DLL4: variants seen among roughly 807,000 people sequenced by gnomAD.
DLL4 encodes the protein delta like canonical Notch ligand 4.
Under a neutral mutation model 73.6 loss-of-function variants are expected in DLL4, and 7 were observed. That is an observed-to-expected ratio of 0.10 (90% CI 0.05 to 0.18). The LOEUF is 0.18. Ranked by LOEUF, DLL4 falls within the 10% of genes least tolerant of loss-of-function variation. DLL4 has a pLI of 1.00. For synonymous variants in DLL4, 345 were observed against 374.3 expected, an observed-to-expected ratio of 0.92 and a Z score of 0.90; for missense variants, 614 against 929.9, an observed-to-expected ratio of 0.66 and a Z score of 4.42.
chr15:40,930,044 C>T lies in DLL4; in HGVS notation c.264C>T (p.Ser88=). 1 of 1,612,838 alleles carries T rather than the reference C, an allele frequency of 6.2e-7. No homozygotes were observed. ...TVSTPVLGTN[S]FAVRDDSSGG... Reference sequence around the variant, plus strand: ...CCACGCCGGTATTGGGCACCAACTCCTTCGCTGTCCGGGACGACAGTAGCG... The same window carrying T: ...CCACGCCGGTATTGGGCACCAACTCTTTCGCTGTCCGGGACGACAGTAGCG... Residue 88 remains serine (S), a synonymous_variant, in exon 2 of 11, where the codon TCC becomes TCT. Coordinates refer to ENST00000249749, the MANE Select transcript of DLL4 (RefSeq NM_019074.4). This position sits in a 1 kb window ranked among gnomAD's most constrained non-coding sequence, Gnocchi z 5.7.
At position 40,931,556 on chromosome 15, in the gene DLL4, G is replaced by T; in HGVS notation, c.448G>T (p.Ala150Ser). 6.2e-7 allele frequency: 1 copy of T among 1,611,064 alleles called. No individual in the cohort carries two copies. The highest frequency in any genetic ancestry group is 8.5e-7 in the Non-Finnish European group (1 of 1,178,614). Residue 150 changes from alanine to serine, a missense_variant, in exon 4 of 11, where the codon GCT becomes TCT. By Grantham distance (99) the Ala-to-Ser change is moderately conservative (BLOSUM62 1). This residue lies in a region of DLL4 where 227 missense variants were observed against 370.8 expected (regional missense o/e 0.61). Transcript: ENST00000249749. ...ISKIAIQGSL[A>S]VGQNWLLDEQ... The stretch of plus-strand genomic sequence containing the variant: ...CAAGATCGCCATCCAGGGCTCCCTA[G>T]CTGTGGGTCAGAACTGGTTATTGGA...
At position 40,934,628 on chromosome 15, in the gene DLL4, A is replaced by G. The variant is rs1457656316; in HGVS notation, c.931A>G (p.Thr311Ala). 1.2e-6 allele frequency: 2 copies of G among 1,613,882 alleles called. No homozygotes were observed. Residue 311 changes from threonine (T) to alanine (A), a missense_variant, in exon 7 of 11, where the codon ACC becomes GCC. Around this residue, in one of 3 missense-constraint regions of DLL4, gnomAD observed 386 missense variants for 541.3 expected, o/e 0.71. Transcript: ENST00000249749. ...CAGTGGGCAGCGAAGCTACACCTGC[A>G]CCTGTCGCCCAGGCTACACTGGTGT... is the stretch of plus-strand genomic sequence containing the variant. ...SNSGQRSYTC[T>A]CRPGYTGVDC...
intron 9 of DLL4, 44 bp from the exon 10 acceptor site, chr15:40,937,374 C>T (rs1222301944): frequency 2.1e-6 from 3 of 1,403,394 alleles, no homozygotes; most frequent in Non-Finnish European, 3.0e-6. Context: ...CCCCCCAAGC[C>T]TCTCCCCGTC....
rs887284292 is a variant in DLL4, at chr15:40,937,554, G to A, written c.2052+28G>A. The A allele has an allele frequency of 1.3e-5, 19 of 1,507,298 alleles. 1 individual carries two copies. The highest frequency in any genetic ancestry group is 1.6e-5 in the Non-Finnish European group (17 of 1,082,562). 93.4% of individuals were successfully genotyped at this position (1,507,298 alleles called of 1,614,324 possible). Reference sequence around the variant, plus strand: ...GAGTGCTGGGCTCGCCTTTCCTTCTGCCTTTTGTGGGAGGGAAAGTGGCCT... The same window carrying A: ...GAGTGCTGGGCTCGCCTTTCCTTCTACCTTTTGTGGGAGGGAAAGTGGCCT... On this transcript the variant is annotated intron_variant, in intron 10 of 10. Transcript: ENST00000249749.
Position 40,930,454 on chromosome 15 carries a change from C to T in DLL4, c.337-171C>T. 1 of 680,028 alleles carries T rather than the reference C, an allele frequency of 1.5e-6. No homozygotes were observed. Among genetic ancestry groups the T allele is most frequent in the South Asian group, 1.8e-5 (1 of 55,452 alleles). 42.1% of individuals were successfully genotyped at this position (680,028 alleles called of 1,614,324 possible). On this transcript the variant is annotated intron_variant, in intron 2 of 10. Transcript: ENST00000249749. The surrounding 1 kb of genome is among the most constrained non-coding windows in gnomAD (Gnocchi z 5.7). ...AACCCTCCCTCTACCGGGGGTTCTC[C>T]TCTCGCCTTCCCTGCTCAAGCGCTA...
At position 40,930,213 on chromosome 15, in the gene DLL4, C is replaced by A. The variant is rs1319952329; in HGVS notation, c.336+97C>A. The A allele has an allele frequency of 2.1e-6, 3 of 1,411,502 alleles. No homozygotes were observed. Among genetic ancestry groups the A allele is most frequent in the East Asian group, 5.0e-5 (2 of 40,142 alleles). The allele number at this position is 1,411,502 out of a possible 1,614,324, so 87.4% of individuals were successfully genotyped here. A position where few individuals can be genotyped will look rare whatever the true frequency, so the allele number is the denominator to read the frequency against. ...TCCCCAGATTTCCTTGTACACACAC[C>A]CCCACCCCCAAAAAGCCCAGGATGC... is the stretch of plus-strand genomic sequence containing the variant. On this transcript the variant is annotated intron_variant, in intron 2 of 10. Coordinates refer to ENST00000249749, the MANE Select transcript of DLL4 (RefSeq NM_019074.4). The surrounding 1 kb of genome is among the most constrained non-coding windows in gnomAD (Gnocchi z 5.7).
At chr15:40,932,540 G>A in intron 6 of DLL4, 93 bp downstream of exon 6, 1 of 1,503,488 alleles carries the variant, frequency 6.7e-7, no homozygotes, top group East Asian at 2.4e-5. Flanking sequence ...TTCTTACTTG[G>A]TGACTGCAGA....
At chr15:40,934,497 G>C in intron 6 of DLL4, 51 bp from the exon 7 acceptor site, 4 of 1,590,682 alleles carry the variant, frequency 2.5e-6, no homozygotes, top group Non-Finnish European at 3.4e-6. Context: ...GGAGCCTGGA[G>C]GTGAGTGCAT....
At chr15:40,934,802 C>T in intron 7 of DLL4, 85 bp downstream of exon 7, 2 of 1,585,752 alleles carry the variant, frequency 1.3e-6, no homozygotes, top group Non-Finnish European at 1.7e-6. Flanking sequence ...GATGTACAGC[C>T]ATGGACAGGC....
Position 40,936,721 on chromosome 15 carries a change from C to A in DLL4, c.1734C>A (p.Asn578Lys). Residue 578 changes from asparagine (N) to lysine (K), a missense_variant, in exon 9 of 11, where the codon AAC becomes AAA. Asn to Lys is a moderately conservative substitution (Grantham distance 94, BLOSUM62 0). Transcript: ENST00000249749. ...ACTTGTCGGACTTCCAGAAGGACAA[C>A]CTGATTCCTGCCGCCCAGCTTAAAA... ...MNNLSDFQKD[N>K]LIPAAQLKNT... is the part of the protein sequence containing the mutation. 6.2e-7 allele frequency: 1 copy of A among 1,613,856 alleles called. No individual in the cohort carries two copies. Among genetic ancestry groups the A allele is most frequent in the Non-Finnish European group, 8.5e-7 (1 of 1,179,898 alleles).
intron 8 of DLL4, among the ~76,000 whole-genome samples, chr15:40,935,861 A>G (rs1335011381): frequency 1.3e-5 from 2 of 152,220 alleles, no homozygotes; most frequent in Admixed American, 1.3e-4. Flanking sequence ...CGGCTATCCT[A>G]TGAAGGGGCT....
intron 8 of DLL4, among the ~76,000 whole-genome samples, chr15:40,935,588 C>T (rs1892831207): frequency 6.6e-6 from 1 of 152,190 alleles, no homozygotes; most frequent in South Asian, 2.1e-4. Context: ...TAATCCTTGT[C>T]TATCTGGCTC....
Position 40,929,967 on chromosome 15 carries a change from A to C in DLL4, c.187A>C (p.Lys63Gln). The C allele has an allele frequency of 6.2e-7, 1 of 1,613,244 alleles. No homozygotes were observed. Residue 63 changes from lysine (K) to glutamine (Q), a missense_variant, in exon 2 of 11, where the codon AAG becomes CAG. Physicochemically the swap from Lys to Gln is moderately conservative, Grantham distance 53. Around this residue, in one of 3 missense-constraint regions of DLL4, gnomAD observed 227 missense variants for 370.8 expected, o/e 0.61. Coordinates refer to ENST00000249749, the MANE Select transcript of DLL4 (RefSeq NM_019074.4). This position sits in a 1 kb window ranked among gnomAD's most constrained non-coding sequence, Gnocchi z 7.1. The stretch of plus-strand genomic sequence containing the variant: ...CCGGACTTTCTTCCGCGTCTGCCTT[A>C]AGCACTTCCAGGCGGTCGTCTCGCC... ...GCRTFFRVCLKHFQAVVSPGP... is the reference protein window; with the variant it reads ...GCRTFFRVCLQHFQAVVSPGP...
At chr15:40,937,786 G>T (rs1596195817) in intron 10 of DLL4, among the ~76,000 whole-genome samples, 1 of 152,312 alleles carries the variant, frequency 6.6e-6, no homozygotes, top group East Asian at 1.9e-4. Context: ...AGCCTCTGAT[G>T]GGTGAGGGGG....
At chr15:40,934,106 T>G (rs894180916) in intron 6 of DLL4, among the ~76,000 whole-genome samples, 185 of 143,248 alleles carry the variant, frequency 1.3e-3, no homozygotes, top group African/African-American at 4.7e-3. Context: ...CCGAGGTAGG[T>G]GGATCACTTG....
Position 40,938,190 on chromosome 15 carries a change from C to A in DLL4, c.*156C>A. On this transcript the variant is annotated 3_prime_UTR_variant, in exon 11 of 11. Coordinates refer to ENST00000249749, the MANE Select transcript of DLL4 (RefSeq NM_019074.4). ...AGGAACCGGACAGACTGTGAACTTG[C>A]CAAGAGATGCAATACCCTTCCACAC... The A allele has an allele frequency of 1.3e-6, 1 of 763,690 alleles. No homozygotes were observed. Among genetic ancestry groups the A allele is most frequent in the Non-Finnish European group, 1.9e-6 (1 of 516,772 alleles). The allele number at this position is 763,690 out of a possible 1,614,324, so 47.3% of individuals were successfully genotyped here. A position where few individuals can be genotyped will look rare whatever the true frequency, so the allele number is the denominator to read the frequency against.
intron 3 of DLL4, chr15:40,931,205 C>A: frequency 4.1e-6 from 2 of 492,032 alleles, no homozygotes; most frequent in Non-Finnish European, 3.6e-6. Flanking sequence ...ATTTTGACCT[C>A]TTTTCCTCTT....
At chr15:40,931,922 T>C (rs958091296) in intron 4 of DLL4, among the ~76,000 whole-genome samples, 156 bp downstream of exon 4, 3 of 152,166 alleles carry the variant, frequency 2.0e-5, no homozygotes, top group African/African-American at 7.2e-5. Context: ...ACCTCAGACC[T>C]CCTGTCTCTT....
intron 4 of DLL4, 124 bp from the exon 5 acceptor site, chr15:40,932,047 C>A (rs1892777869): frequency 2.5e-6 from 3 of 1,179,712 alleles, no homozygotes; most frequent in Non-Finnish European, 3.6e-6. Flanking sequence ...CGGGGCTCCT[C>A]TGGGAGGCCA....
Sources: allele counts gnomAD v4.1 joint callset (sites outside exome capture counted in the v4.1 genomes callset), GRCh38; gene constraint gnomAD v4.1.1; regional missense constraint gnomAD v4.1.1; non-coding constraint Gnocchi (gnomAD v3.1); transcripts MANE v1.5; gene names NCBI Gene and HGNC (gene_info 2026-07-23, HGNC 2026-07-21).